Variants in BCAR3 observed in about 807,000 individuals in gnomAD.
BCAR3 encodes BCAR3 adaptor protein, NSP family member, also known as breast cancer anti-estrogen resistance protein 3.
In BCAR3, 37 loss-of-function variants were observed where a neutral mutation model predicts 80.1. That is an observed-to-expected ratio of 0.46 (90% CI 0.36 to 0.61). BCAR3 has a LOEUF of 0.61. Ranked by LOEUF, BCAR3 falls within the 20% of genes least tolerant of loss-of-function variation. The pLI is 0.00. For missense variants in BCAR3, 978 were observed against 1,068.2 expected (o/e 0.92, Z 1.18); for synonymous variants, 389 against 418.9 (o/e 0.93, Z 0.87).
At chr1:93,692,052 A>G (rs568083840) in intron 3 of BCAR3, among the ~76,000 whole-genome samples, 1 of 152,348 alleles carries the variant, frequency 6.6e-6, no homozygotes, top group South Asian at 2.1e-4. Context: ...AAGTGAGTGA[A>G]AGTGGTGCTA....
intron 3 of BCAR3, among the ~76,000 whole-genome samples, chr1:93,610,181 A>G (rs1264220771): frequency 6.6e-6 from 1 of 152,232 alleles, no homozygotes; most frequent in Admixed American, 6.5e-5. Context: ...CAATGGGGAA[A>G]TGTGCCTCAA....
chr1:93,751,291 G>T (rs1651549148), intron 2 of BCAR3, among the ~76,000 whole-genome samples: 1 of 152,298 alleles, frequency 6.6e-6, no homozygotes, highest in African/African-American at 2.4e-5. Flanking sequence ...GTGGGTGACA[G>T]GAAGACTGTC....
intron 2 of BCAR3, among the ~76,000 whole-genome samples, chr1:93,660,409 T>C (rs1647596059): frequency 6.6e-6 from 1 of 152,110 alleles, no homozygotes; most frequent in Non-Finnish European, 1.5e-5. Flanking sequence ...ATGTTTAAAA[T>C]ACCAGGGAGA....
At chr1:93,579,714 C>T (rs569057959) in intron 7 of BCAR3, among the ~76,000 whole-genome samples, 3 of 152,334 alleles carry the variant, frequency 2.0e-5, no homozygotes, top group African/African-American at 7.2e-5. Context: ...AGGAAGGATT[C>T]ATTCCCCTGG....
chr1:93,839,598 C>G (rs1654887243), intron 2 of BCAR3, among the ~76,000 whole-genome samples: 2 of 152,202 alleles, frequency 1.3e-5, no homozygotes, highest in Non-Finnish European at 2.9e-5. Context: ...TCATCTGCCT[C>G]TTTTAGATTG....
At chr1:93,597,269 A>T (rs1203612078) in intron 3 of BCAR3, among the ~76,000 whole-genome samples, 2 of 152,372 alleles carry the variant, frequency 1.3e-5, no homozygotes, top group East Asian at 3.9e-4. Context: ...AGATGTAGGT[A>T]AAGTGACAAA....
chr1:93,642,251 T>G, intron 3 of BCAR3, 53 bp downstream of exon 3: 1 of 1,574,836 alleles, frequency 6.3e-7, no homozygotes, highest in Non-Finnish European at 8.7e-7. Context: ...GTGTTCCAAA[T>G]GGGAAATCTA....
intron 2 of BCAR3, among the ~76,000 whole-genome samples, chr1:93,834,566 C>T (rs139638484): frequency 1.3e-4 from 20 of 152,328 alleles, no homozygotes; most frequent in South Asian, 4.1e-4. Flanking sequence ...GCCAGGACTG[C>T]GCTCTGTAGC....
chr1:93,787,203 T>C (rs545448447), intron 2 of BCAR3, among the ~76,000 whole-genome samples: 1 of 152,334 alleles, frequency 6.6e-6, no homozygotes, highest in East Asian at 1.9e-4. Context: ...AGAGGCCCTG[T>C]GTCCCCAATG....
chr1:93,745,574 A>G (rs1651325085), intron 2 of BCAR3, among the ~76,000 whole-genome samples: 1 of 152,184 alleles, frequency 6.6e-6, no homozygotes, highest in Non-Finnish European at 1.5e-5. Flanking sequence ...TCAAATAAAC[A>G]TTCCATAGCC....
intron 2 of BCAR3, among the ~76,000 whole-genome samples, chr1:93,649,663 T>C (rs1676261192): frequency 6.6e-6 from 1 of 151,588 alleles, no homozygotes; most frequent in South Asian, 2.1e-4. Context: ...GTTCAGCACC[T>C]AAAAAAAAGA....
intron 9 of BCAR3, 54 bp from the exon 10 acceptor site, chr1:93,567,905 G>A: frequency 6.8e-7 from 1 of 1,466,140 alleles, no homozygotes; most frequent in Non-Finnish European, 9.5e-7. Context: ...ACCTTTTAGT[G>A]GCTGGGCGTG....
intron 2 of BCAR3, among the ~76,000 whole-genome samples, chr1:93,761,320 C>T (rs952505017): frequency 1.3e-5 from 2 of 152,162 alleles, no homozygotes; most frequent in Non-Finnish European, 2.9e-5. Flanking sequence ...GTGAACACAA[C>T]CAGTGTAGAA....
chr1:93,713,159 TAACTTA>T (rs1163325427), intron 2 of BCAR3, among the ~76,000 whole-genome samples: 16 of 152,340 alleles, frequency 1.1e-4, no homozygotes, highest in African/African-American at 2.9e-4. Context: ...TCATTGTAAT[TAACTTA>T]AACTTAAATA....
intron 3 of BCAR3, among the ~76,000 whole-genome samples, chr1:93,610,661 A>C (rs1013696978): frequency 6.6e-6 from 1 of 152,172 alleles, no homozygotes; most frequent in African/African-American, 2.4e-5. Flanking sequence ...AAAGAACGCT[A>C]GCAGCCAGGC....
intron 2 of BCAR3, among the ~76,000 whole-genome samples, chr1:93,832,013 C>T (rs545065171): frequency 1.5e-3 from 232 of 152,266 alleles, no homozygotes; most frequent in African/African-American, 5.2e-3. Flanking sequence ...AGATGCTTTA[C>T]CGCCCTAGAC....
intron 3 of BCAR3, 54 bp downstream of exon 3, chr1:93,642,250 A>G: frequency 1.3e-6 from 2 of 1,573,280 alleles, no homozygotes; most frequent in Non-Finnish European, 1.7e-6. Flanking sequence ...TGTGTTCCAA[A>G]TGGGAAATCT....
intron 2 of BCAR3, among the ~76,000 whole-genome samples, chr1:93,805,100 A>G (rs1480516659): frequency 1.3e-5 from 2 of 152,242 alleles, no homozygotes; most frequent in Non-Finnish European, 2.9e-5. Flanking sequence ...ATTTGCTACA[A>G]TTAAACATAC....
chr1:93,595,979 C>A (rs540789074), intron 3 of BCAR3, among the ~76,000 whole-genome samples: 34 of 152,328 alleles, frequency 2.2e-4, no homozygotes, highest in Admixed American at 1.5e-3. Flanking sequence ...TGCAAGCATT[C>A]TATTCATGGC....
Sources: allele counts gnomAD v4.1 joint callset (sites outside exome capture counted in the v4.1 genomes callset), GRCh38; gene constraint gnomAD v4.1.1; transcripts MANE v1.5; gene names NCBI Gene and HGNC (gene_info 2026-07-23, HGNC 2026-07-21).